Variants in PDE1A observed in about 807,000 individuals in gnomAD.
The protein encoded by PDE1A is phosphodiesterase 1A.
PDE1A carries 35 observed loss-of-function variants against 61.7 expected under a neutral mutation model. The ratio of observed to expected loss-of-function variants is 0.57; its 90% CI spans 0.43 to 0.75. PDE1A has a LOEUF of 0.75. PDE1A is among the 30% of genes least tolerant of loss of function. PDE1A has a pLI of 0.00. For synonymous variants in PDE1A, 232 were observed against 213.2 expected, an observed-to-expected ratio of 1.09 and a Z score of -0.77; for missense variants, 597 against 630.6, an observed-to-expected ratio of 0.95 and a Z score of 0.57.
the PDE1A span, among the ~76,000 whole-genome samples, chr2:182,700,737 A>AAAAAAAAAAAAAAAAAAG: frequency 6.9e-6 from 1 of 143,958 alleles, no homozygotes; most frequent in Admixed American, 7.0e-5. Flanking sequence ...AAAAAAAAAA[A>AAAAAAAAAAAAAAAAAAG]AAACAGAAAG....
At chr2:182,511,972 G>A (rs183560966) in intron 2 of PDE1A, among the ~76,000 whole-genome samples, 3 of 152,158 alleles carry the variant, frequency 2.0e-5, no homozygotes, top group Non-Finnish European at 2.9e-5. Flanking sequence ...ACATACATGC[G>A]TGGACCACAC....
chr2:182,592,587 T>A, the PDE1A span, among the ~76,000 whole-genome samples: 1 of 152,114 alleles, frequency 6.6e-6, no homozygotes, highest in Non-Finnish European at 1.5e-5. Context: ...AGACAGCTAC[T>A]CCCCATCCAG....
At chr2:182,475,427 G>A (rs1234936098) in intron 2 of PDE1A, among the ~76,000 whole-genome samples, 1 of 151,896 alleles carries the variant, frequency 6.6e-6, no homozygotes, top group Non-Finnish European at 1.5e-5. Context: ...TTTATATACA[G>A]TATCTCACTG....
chr2:182,575,965 A>T, the PDE1A span, among the ~76,000 whole-genome samples: 1 of 147,478 alleles, frequency 6.8e-6, no homozygotes, highest in Admixed American at 6.8e-5. Context: ...ATATATTATT[A>T]ATACTAATAC....
At chr2:182,191,639 T>C (rs2125422189) in intron 10 of PDE1A, among the ~76,000 whole-genome samples, 1 of 151,766 alleles carries the variant, frequency 6.6e-6, no homozygotes, top group East Asian at 1.9e-4. Flanking sequence ...ACCACAATTA[T>C]TTTTGCACCA....
intron 1 of PDE1A, among the ~76,000 whole-genome samples, chr2:182,386,265 AC>A (rs1390410143): frequency 6.6e-6 from 1 of 151,110 alleles, no homozygotes; most frequent in Non-Finnish European, 1.5e-5. Flanking sequence ...CCCAGCCGCC[AC>A]CCCGTCTGGG....
intron 2 of PDE1A, among the ~76,000 whole-genome samples, chr2:182,480,461 T>C (rs1300870952): frequency 2.6e-5 from 4 of 151,964 alleles, no homozygotes; most frequent in Admixed American, 1.3e-4. Flanking sequence ...GTCGGCCTAC[T>C]GTATCTCTGG....
At chr2:182,406,914 A>T (rs548695607) in intron 1 of PDE1A, among the ~76,000 whole-genome samples, 33 of 152,176 alleles carry the variant, frequency 2.2e-4, no homozygotes, top group Admixed American at 1.6e-3. Flanking sequence ...ATACTATCTC[A>T]GTTTGTTTTT....
At chr2:182,507,649 T>C (rs540746504) in intron 2 of PDE1A, among the ~76,000 whole-genome samples, 2 of 152,246 alleles carry the variant, frequency 1.3e-5, no homozygotes, top group African/African-American at 2.4e-5. Context: ...AAATCATGAA[T>C]AAATTGGGCC....
chr2:182,380,180 A>G (rs12693304), intron 1 of PDE1A, among the ~76,000 whole-genome samples: 105,778 of 147,378 alleles, frequency 0.72, 37,909 homozygotes, highest in East Asian at 0.96. Context: ...GCACGCTCTC[A>G]GCTCACTGCA....
intron 1 of PDE1A, among the ~76,000 whole-genome samples, chr2:182,384,202 A>G (rs1268950966): frequency 1.3e-5 from 2 of 152,204 alleles, no homozygotes; most frequent in African/African-American, 4.8e-5. Flanking sequence ...AAATACTGAA[A>G]TGAGTATCTA....
chr2:182,531,150 T>C, the PDE1A span, among the ~76,000 whole-genome samples: 32 of 151,532 alleles, frequency 2.1e-4, no homozygotes, highest in Non-Finnish European at 4.6e-4. Context: ...AATACAGATA[T>C]AGATGAATCA....
the PDE1A span, among the ~76,000 whole-genome samples, chr2:182,595,730 G>A: frequency 2.0e-5 from 3 of 152,232 alleles, no homozygotes; most frequent in South Asian, 2.1e-4. Flanking sequence ...GCTTTCTCTC[G>A]CCATCAGGTG....
intron 1 of PDE1A, among the ~76,000 whole-genome samples, chr2:182,353,232 C>T (rs1390674422): frequency 2.0e-5 from 3 of 152,140 alleles, no homozygotes; most frequent in Admixed American, 2.0e-4. Context: ...TTATTTGGAC[C>T]ATCAGCACTT....
chr2:182,173,963 C>T (rs573580429), intron 13 of PDE1A, among the ~76,000 whole-genome samples: 2 of 150,928 alleles, frequency 1.3e-5, no homozygotes, highest in African/African-American at 4.9e-5. Context: ...TCAATTTTTA[C>T]TTTCTCTAAG....
intron 1 of PDE1A, among the ~76,000 whole-genome samples, chr2:182,324,863 A>G (rs1416276457): frequency 2.0e-5 from 3 of 152,218 alleles, no homozygotes; most frequent in Non-Finnish European, 4.4e-5. Flanking sequence ...CTTGAGCAAT[A>G]AGTTCAGGAA....
At chr2:182,716,021 G>C in the PDE1A span, 1 of 152,254 alleles carries the variant, frequency 6.6e-6, no homozygotes, top group African/African-American at 2.4e-5. Flanking sequence ...CACCCTCCCC[G>C]CCCGCGGCAG....
the PDE1A span, among the ~76,000 whole-genome samples, chr2:182,602,992 CACATACATACAT>C: frequency 9.3e-3 from 1,215 of 130,480 alleles, 9 homozygotes; most frequent in African/African-American, 0.025. Context: ...CACACACACA[CACATACATACAT>C]ACATACATAC....
intron 1 of PDE1A, among the ~76,000 whole-genome samples, chr2:182,421,675 C>A (rs1004130963): frequency 6.6e-6 from 1 of 152,068 alleles, no homozygotes; most frequent in African/African-American, 2.4e-5. Context: ...TTAGTGATGA[C>A]CTCTTAAAAA....
Sources: allele counts gnomAD v4.1 joint callset (sites outside exome capture counted in the v4.1 genomes callset), GRCh38; gene constraint gnomAD v4.1.1; transcripts MANE v1.5; gene names NCBI Gene and HGNC (gene_info 2026-07-23, HGNC 2026-07-21).